MUC17: variants seen among roughly 807,000 people sequenced by gnomAD.
The protein encoded by MUC17 is mucin 17, cell surface associated, also known as mucin-17.
A neutral mutation model predicts 170.3 loss-of-function variants in MUC17; 190 were observed. That is an observed-to-expected ratio of 1.12 (90% CI 0.99 to 1.26). The LOEUF is 1.26. Among genes scored for constraint, MUC17 ranks in the 50% most tolerant of loss-of-function variants. MUC17 has a pLI of 0.00. For missense variants in MUC17, 6,415 were observed against 5,530.0 expected, an observed-to-expected ratio of 1.16 and a Z score of -5.08; for synonymous variants, 2,325 against 2,002.5, an observed-to-expected ratio of 1.16 and a Z score of -4.30.
In MUC17 at chr7:101,049,342, G is replaced by C. The variant is rs750473006; in HGVS notation, c.12682G>C (p.Gly4228Arg). The C allele has an allele frequency of 1.2e-6, 2 of 1,613,934 alleles. No homozygotes were observed. The highest frequency in any genetic ancestry group is 1.7e-6 in the Non-Finnish European group (2 of 1,179,992). Reference protein sequence around the residue: ...FTEQMNIVYSGIPEYVGVNIT... With the variant: ...FTEQMNIVYSRIPEYVGVNIT... The stretch of plus-strand genomic sequence containing the variant: ...CTTTCAGATGAATATTGTGTATTCC[G>C]GGATCCCTGAGTATGTCGGGGTGAA... The change falls in exon 6 of 13, where the codon GGG (glycine) becomes CGG (arginine). Residue 4228 changes from glycine to arginine, a missense_variant. Transcript: ENST00000306151.
chr7:101,043,425 A>T lies in MUC17; in HGVS notation c.12009A>T (p.Thr4003=). The T allele has an allele frequency of 6.2e-7, 1 of 1,614,130 alleles. No individual in the cohort carries two copies. Among genetic ancestry groups the T allele is most frequent in the Non-Finnish European group, 8.5e-7 (1 of 1,180,024 alleles). ...CAATGACTACTGCAGCTCCCCTCAC[A>T]TATGTGACCATGTCTACTGCCCCCA... ...TPAMTTAAPL[T]YVTMSTAPST... Residue 4003 remains threonine, a synonymous_variant, in exon 3 of 13, where the codon ACA becomes ACT. Transcript: ENST00000306151.
At chr7:101,049,101 C>G in intron 5 of MUC17, 129 bp downstream of exon 5, 4 of 1,452,492 alleles carry the variant, frequency 2.8e-6, no homozygotes, top group Non-Finnish European at 3.8e-6. Context: ...CCCACGTCCT[C>G]AGGGCTTGCC....
At position 101,032,145 on chromosome 7, in the gene MUC17, C is replaced by G; in HGVS notation, c.729C>G (p.Ile243Met). The stretch of plus-strand genomic sequence containing the variant: ...CCCTTTTGACAACTCCTGTTGAAAT[C>G]AGCACACCTGTGACCATTTCTGCTC... Reference protein sequence around the residue: ...AITLLTTPVEISTPVTISAQA... With the variant: ...AITLLTTPVEMSTPVTISAQA... The change falls in exon 3 of 13, where the codon ATC becomes ATG. Residue 243 changes from isoleucine (I) to methionine (M), a missense_variant. Transcript: ENST00000306151. 1 of 1,613,668 alleles carries G rather than the reference C, an allele frequency of 6.2e-7. No individual in the cohort carries two copies. Among genetic ancestry groups the G allele is most frequent in the Non-Finnish European group, 8.5e-7 (1 of 1,179,956 alleles).
chr7:101,031,752 A>G lies in MUC17; in HGVS notation c.336A>G (p.Pro112=), dbSNP rs755409657. The change falls in exon 3 of 13, where the codon CCA becomes CCG. Residue 112 remains proline, a synonymous_variant. Transcript: ENST00000306151. ...GTGTCTCCAGTACCAGGATGACACC[A>G]ACAGAATCCAGAACAACTTCAGAAT... ...TPGVSSTRMT[P]TESRTTSEST... is the part of the protein sequence containing the mutation. 1 of 1,608,914 alleles carries G rather than the reference A, an allele frequency of 6.2e-7. No homozygotes were observed. Among genetic ancestry groups the G allele is most frequent in the Non-Finnish European group, 8.5e-7 (1 of 1,175,232 alleles).
rs544355810 is a variant in MUC17 at position 101,032,647 on chromosome 7, A to G, written c.1231A>G (p.Ser411Gly). ...CATATTGGTGGCCAGTTCTGAGGCT[A>G]GCACCACTTCAACAATTCCTGTTGA... ...STILVASSEA[S>G]TTSTIPVDSK... The change falls in exon 3 of 13, where the codon AGC becomes GGC. Residue 411 changes from serine to glycine, a missense_variant. By Grantham distance (56) the Ser-to-Gly change is moderately conservative (BLOSUM62 0). Coordinates refer to ENST00000306151, the MANE Select transcript of MUC17 (RefSeq NM_001040105.2). 1 of 1,613,042 alleles carries G rather than the reference A, an allele frequency of 6.2e-7. No individual in the cohort carries two copies. The highest frequency in any genetic ancestry group is 1.7e-5 in the Admixed American group (1 of 59,886).
Position 101,032,852 on chromosome 7 carries a change from C to T in MUC17, c.1436C>T (p.Ser479Phe). The T allele has an allele frequency of 4.3e-6, 7 of 1,613,868 alleles. No homozygotes were observed. Among genetic ancestry groups the T allele is most frequent in the Non-Finnish European group, 5.9e-6 (7 of 1,179,914 alleles). ...AACCTTTCAACAACTCCTGTTGACTCCAAAACTCAGGTGACCACTTCTACT... is the reference window on the plus strand; with the variant it reads ...AACCTTTCAACAACTCCTGTTGACTTCAAAACTCAGGTGACCACTTCTACT... ...ASNLSTTPVD[S>F]KTQVTTSTEA... The change falls in exon 3 of 13, where the codon TCC (serine) becomes TTC (phenylalanine). Residue 479 changes from serine to phenylalanine, a missense_variant. Ser to Phe is a radical substitution (Grantham distance 155). Transcript: ENST00000306151.
chr7:101,050,819 A>G (rs558490088), intron 7 of MUC17, among the ~76,000 whole-genome samples, 184 bp downstream of exon 7: 1 of 152,120 alleles, frequency 6.6e-6, no homozygotes, highest in East Asian at 1.9e-4. Context: ...AGAGTCTTTA[A>G]CCTTCATCAT....
chr7:101,031,580 A>G (rs779151613), intron 2 of MUC17, 21 bp from the exon 3 acceptor site: 1 of 1,514,232 alleles, frequency 6.6e-7, no homozygotes, highest in Non-Finnish European at 8.8e-7. Context: ...TCTAAACAAA[A>G]TATCATTGTA....
In MUC17 at chr7:101,031,626, T is replaced by TACA; in HGVS notation, c.214_216dup (p.Thr72dup). ...GTTCTGCGGCAAACACCGCCACAGGTACAACATCTACAAATGTCGTGGAGC... is the reference window on the plus strand; with the variant it reads ...GTTCTGCGGCAAACACCGCCACAGGTACAACAACATCTACAAATGTCGTGGAGC... On this transcript the variant is annotated inframe_insertion, in exon 3 of 13. Transcript: ENST00000306151. 6.5e-7 allele frequency: 1 copy of TACA among 1,546,810 alleles called. No homozygotes were observed. Among genetic ancestry groups the TACA allele is most frequent in the Non-Finnish European group, 8.7e-7 (1 of 1,148,360 alleles).
At position 101,052,994 on chromosome 7, in the gene MUC17, C is replaced by T; in HGVS notation, c.13112C>T (p.Thr4371Ile). 1 of 1,612,826 alleles carries T rather than the reference C, an allele frequency of 6.2e-7. No homozygotes were observed. Among genetic ancestry groups the T allele is most frequent in the Non-Finnish European group, 8.5e-7 (1 of 1,179,358 alleles). The stretch of plus-strand genomic sequence containing the variant: ...CTTCTCTCCCATCTCAGCTGCGTGA[C>T]CACGGAAACTCACTGGTACAGTGGG... ...SLSGPQCLCV[T>I]TETHWYSGET... Residue 4371 changes from threonine (T) to isoleucine (I), a missense_variant, in exon 10 of 13, where the codon ACC becomes ATC. Physicochemically the swap from Thr to Ile is moderately conservative, Grantham distance 89. Coordinates refer to ENST00000306151, the MANE Select transcript of MUC17 (RefSeq NM_001040105.2).
chr7:101,051,843 C>A lies in MUC17; in HGVS notation c.12984C>A (p.Phe4328Leu). The change falls in exon 9 of 13, where the codon TTC becomes TTA. Residue 4328 changes from phenylalanine (F) to leucine (L), a missense_variant. Physicochemically the swap from Phe to Leu is conservative, Grantham distance 22. Transcript: ENST00000306151. The part of the protein sequence containing the change: ...RKMAKEYGDY[F>L]VVEYRDQKPY... ...TGGCCAAGGAATATGGAGACTACTT[C>A]GTAGTGGAGTACCGGGACCAGAAGC... is the stretch of plus-strand genomic sequence containing the variant. 1 of 1,614,156 alleles carries A rather than the reference C, an allele frequency of 6.2e-7. No homozygotes were observed. Among genetic ancestry groups the A allele is most frequent in the Non-Finnish European group, 8.5e-7 (1 of 1,180,000 alleles).
At chr7:101,031,016 AG>A (rs1369551004) in intron 1 of MUC17, 103 bp from the exon 2 acceptor site, 2 of 1,359,244 alleles carry the variant, frequency 1.5e-6, no homozygotes, top group Non-Finnish European at 2.0e-6. Flanking sequence ...AGGCTGGTTC[AG>A]GGGCCAGGGA....
Position 101,039,859 on chromosome 7 carries a change from A to G in MUC17, c.8443A>G (p.Met2815Val), listed in dbSNP as rs761405826. The G allele has an allele frequency of 6.2e-6, 10 of 1,612,054 alleles. No homozygotes were observed. In the South Asian group the frequency reaches 9.9e-5, roughly 16 times the overall value. Residue 2815 changes from methionine to valine, a missense_variant, in exon 3 of 13, where the codon ATG becomes GTG. Transcript: ENST00000306151. ...TGAAACAAGTACTCCATTAACTAGT[A>G]TGCCTGTCAACCACACGCCAGTGGC... Reference protein sequence around the residue: ...PSETSTPLTSMPVNHTPVASS... With the variant: ...PSETSTPLTSVPVNHTPVASS...
At chr7:101,022,463 A>G (rs1794109138) in intron 1 of MUC17, among the ~76,000 whole-genome samples, 1 of 152,146 alleles carries the variant, frequency 6.6e-6, no homozygotes, top group Non-Finnish European at 1.5e-5. Context: ...CACTGCACCC[A>G]GTACCCTCCT....
intron 1 of MUC17, among the ~76,000 whole-genome samples, chr7:101,025,006 C>T (rs945651000): frequency 5.9e-5 from 9 of 151,500 alleles, no homozygotes; most frequent in South Asian, 2.1e-4. Flanking sequence ...GGGTAACAGA[C>T]GGAGACCACG....
chr7:101,039,434 C>T lies in MUC17; in HGVS notation c.8018C>T (p.Ser2673Phe), dbSNP rs1194141343. The T allele has an allele frequency of 6.2e-7, 1 of 1,612,606 alleles. No homozygotes were observed. ...LVTTSTGTSS[S>F]PTTAEGSSMP... is the part of the protein sequence containing the mutation. ...ACCACTTCCACTGGAACCAGTTCAT[C>T]TCCTACAACTGCTGAAGGTAGCAGC... Residue 2673 changes from serine to phenylalanine, a missense_variant, in exon 3 of 13, where the codon TCT (serine) becomes TTT (phenylalanine). Physicochemically the swap from Ser to Phe is radical, Grantham distance 155. Coordinates refer to ENST00000306151, the MANE Select transcript of MUC17 (RefSeq NM_001040105.2).
At chr7:101,054,804 G>A (rs1188202259) in intron 11 of MUC17, among the ~76,000 whole-genome samples, 1 of 152,094 alleles carries the variant, frequency 6.6e-6, no homozygotes, top group Non-Finnish European at 1.5e-5. Flanking sequence ...GGGCAACAGA[G>A]CAAGACCCTG....
At position 101,033,823 on chromosome 7, in the gene MUC17, G is replaced by C. The variant is rs763594335; in HGVS notation, c.2407G>C (p.Glu803Gln). 1 of 1,613,816 alleles carries C rather than the reference G, an allele frequency of 6.2e-7. No individual in the cohort carries two copies. The highest frequency in any genetic ancestry group is 1.1e-5 in the South Asian group (1 of 91,056). ...GTSMPISTPS[E>Q]GSPLLTSIPV... is the part of the protein sequence containing the mutation. ...CAGCATGCCAATCTCAACTCCTAGT[G>C]AAGGAAGTCCTTTATTAACAAGTAT... The change falls in exon 3 of 13, where the codon GAA becomes CAA. Residue 803 changes from glutamate (E) to glutamine (Q), a missense_variant. Glu to Gln is a conservative substitution (Grantham distance 29). Transcript: ENST00000306151.
intron 6 of MUC17, 110 bp from the exon 7 acceptor site, chr7:101,050,374 C>T: frequency 4.7e-6 from 7 of 1,480,882 alleles, no homozygotes; most frequent in Non-Finnish European, 6.4e-6. Flanking sequence ...AACTGTCCTG[C>T]CCCCAGCTCT....
Sources: gnomAD v4.1 joint callset for allele counts (sites outside exome capture counted in the v4.1 genomes callset) on GRCh38, gnomAD v4.1.1 for gene constraint, MANE v1.5 for transcripts, NCBI Gene and HGNC (gene_info 2026-07-23, HGNC 2026-07-21) for gene names.